GABRA5: variants seen among roughly 807,000 people sequenced by gnomAD.
GABRA5 encodes gamma-aminobutyric acid receptor subunit alpha-5.
Under a neutral mutation model 47.3 loss-of-function variants are expected in GABRA5, and 18 were observed. That is an observed-to-expected ratio of 0.38 (90% CI 0.26 to 0.56). The LOEUF is 0.56. Among genes scored for constraint, GABRA5 ranks in the 20% least tolerant of loss-of-function variants. GABRA5 has a pLI of 0.71. For synonymous variants in GABRA5, 237 were observed against 229.3 expected, an observed-to-expected ratio of 1.03 and a Z score of -0.30; for missense variants, 365 against 599.3, an observed-to-expected ratio of 0.61 and a Z score of 4.08.
chr15:26,872,384 G>A (rs150474266), intron 3 of GABRA5, among the ~76,000 whole-genome samples: 102 of 152,202 alleles, frequency 6.7e-4, no homozygotes, highest in African/African-American at 2.2e-3. Context: ...GTCCTTACTC[G>A]GAGCTTCCTG....
At chr15:26,936,067 A>G (rs1894234320) in intron 7 of GABRA5, among the ~76,000 whole-genome samples, 1 of 152,074 alleles carries the variant, frequency 6.6e-6, no homozygotes, top group Admixed American at 6.5e-5. Flanking sequence ...AGTGAGTCTC[A>G]CGAGATCTGA....
chr15:26,937,361 G>A (rs529004661), intron 8 of GABRA5, 33 bp downstream of exon 8: 17 of 1,570,112 alleles, frequency 1.1e-5, no homozygotes, highest in East Asian at 4.5e-5. Context: ...GCTGCCAGGC[G>A]CACTCAGGAC....
At chr15:26,938,403 A>G (rs1452771197) in intron 8 of GABRA5, among the ~76,000 whole-genome samples, 1 of 152,238 alleles carries the variant, frequency 6.6e-6, no homozygotes, top group Non-Finnish European at 1.5e-5. Flanking sequence ...GAGCTGTTTC[A>G]TGTAGTTCTT....
At chr15:26,879,982 G>A (rs891778565) in intron 3 of GABRA5, among the ~76,000 whole-genome samples, 5 of 152,186 alleles carry the variant, frequency 3.3e-5, no homozygotes, top group Admixed American at 2.6e-4. Flanking sequence ...ACATCTGAAA[G>A]CAGCTGTAGA....
At chr15:26,919,497 C>T (rs566010364) in intron 7 of GABRA5, among the ~76,000 whole-genome samples, 2 of 152,226 alleles carry the variant, frequency 1.3e-5, no homozygotes, top group East Asian at 1.9e-4. Context: ...ACATCAATTA[C>T]ATATAAAGAC....
At chr15:26,936,383 T>G (rs1894243892) in intron 7 of GABRA5, among the ~76,000 whole-genome samples, 1 of 152,180 alleles carries the variant, frequency 6.6e-6, no homozygotes, top group Non-Finnish European at 1.5e-5. Flanking sequence ...CCCACTCTCC[T>G]CGGCTTATGG....
At chr15:26,912,651 A>G (rs1893624631) in intron 6 of GABRA5, among the ~76,000 whole-genome samples, 1 of 152,236 alleles carries the variant, frequency 6.6e-6, no homozygotes, top group African/African-American at 2.4e-5. Context: ...CATGGATGCT[A>G]GAATCAAATA....
Position 26,885,980 on chromosome 15 carries a change from A to G in GABRA5, c.497+2423A>G, listed in dbSNP as rs559423735. Among the ~76,000 whole-genome samples, 135 of 152,150 alleles carry G rather than the reference A, an allele frequency of 8.9e-4. 1 individual carries two copies. The highest frequency in any genetic ancestry group is 3.2e-3 in the African/African-American group (131 of 41,526). ...TAATCTTACTTTAATCTTTGGGTCC[A>G]AAGCCTGAAAGGTGTACCATATATA... is the stretch of plus-strand genomic sequence containing the variant. On this transcript the variant is annotated intron_variant, in intron 6 of 10. Transcript: ENST00000335625.
At chr15:26,935,417 C>T (rs981335279) in intron 7 of GABRA5, among the ~76,000 whole-genome samples, 4 of 152,222 alleles carry the variant, frequency 2.6e-5, no homozygotes. Context: ...ATCATCCAAC[C>T]TCTGCCCCCT....
At chr15:26,876,935 G>A (rs960743052) in intron 3 of GABRA5, among the ~76,000 whole-genome samples, 21 of 152,318 alleles carry the variant, frequency 1.4e-4, no homozygotes, top group African/African-American at 4.8e-4. Flanking sequence ...GGAGGGCAGG[G>A]TGGGAGAGGT....
upstream of GABRA5, chr15:26,866,966 G>A (rs1211143072): frequency 6.6e-6 from 1 of 152,254 alleles, no homozygotes; most frequent in East Asian, 1.9e-4. Flanking sequence ...CTCTCCCCTT[G>A]CAGGCCGAGC....
intron 6 of GABRA5, among the ~76,000 whole-genome samples, chr15:26,893,935 A>G (rs911731497): frequency 6.6e-6 from 1 of 152,116 alleles, no homozygotes; most frequent in Non-Finnish European, 1.5e-5. Flanking sequence ...TCAGACCTCA[A>G]AGGTGGCCGG....
chr15:26,898,327 T>G (rs1001457821), intron 6 of GABRA5, among the ~76,000 whole-genome samples: 2 of 152,186 alleles, frequency 1.3e-5, no homozygotes, highest in African/African-American at 2.4e-5. Context: ...GGTGGGCTTC[T>G]GAGTGTCACT....
At chr15:26,874,465 C>T (rs2140245456) in intron 3 of GABRA5, among the ~76,000 whole-genome samples, 1 of 152,210 alleles carries the variant, frequency 6.6e-6, no homozygotes, top group East Asian at 1.9e-4. Flanking sequence ...GCAGGCTGGG[C>T]TAGCGTGCTC....
chr15:26,930,023 G>GT (rs1008698508), intron 7 of GABRA5, among the ~76,000 whole-genome samples: 45 of 97,952 alleles, frequency 4.6e-4, no homozygotes, highest in Admixed American at 3.2e-4. Flanking sequence ...TTTTTTTTTT[G>GT]TTTTTTGTTT....
intron 7 of GABRA5, among the ~76,000 whole-genome samples, chr15:26,923,497 T>C (rs1348717086): frequency 7.3e-6 from 1 of 136,874 alleles, no homozygotes; most frequent in African/African-American, 2.9e-5. Flanking sequence ...ATTTCTGTCT[T>C]GTTACCTTAA....
rs1194920583 is a variant in GABRA5, at chr15:26,897,047, A to G, written c.497+13490A>G. On this transcript the variant is annotated intron_variant, in intron 6 of 10. Coordinates refer to ENST00000335625, the MANE Select transcript of GABRA5 (RefSeq NM_000810.4). ...TAGAGATGTAGATTTTTACATCTCT[A>G]GATGTAAACACATTTACAACACATT... Among the ~76,000 whole-genome samples, 3 of 151,034 alleles carry G rather than the reference A, an allele frequency of 2.0e-5. No homozygotes were observed. The East Asian group carries it at 5.8e-4, about 29-fold the overall frequency.
intron 4 of GABRA5, among the ~76,000 whole-genome samples, chr15:26,882,603 A>G (rs1169160778): frequency 6.6e-6 from 1 of 152,164 alleles, no homozygotes; most frequent in Non-Finnish European, 1.5e-5. Context: ...GTCTCCCATG[A>G]TAGGGCTTTC....
intron 3 of GABRA5, among the ~76,000 whole-genome samples, chr15:26,874,114 G>T (rs184718771): frequency 1.5e-4 from 23 of 152,252 alleles, no homozygotes; most frequent in African/African-American, 5.5e-4. Flanking sequence ...GGAGCATGTG[G>T]GCTTTCGGGT....
Sources: gnomAD v4.1 joint callset for allele counts (sites outside exome capture counted in the v4.1 genomes callset) on GRCh38, gnomAD v4.1.1 for gene constraint, MANE v1.5 for transcripts, NCBI Gene and HGNC (gene_info 2026-07-23, HGNC 2026-07-21) for gene names.